Variants in KCNJ6 observed in about 807,000 individuals in gnomAD.
KCNJ6 encodes the protein potassium inwardly rectifying channel subfamily J member 6, also known as G protein-activated inward rectifier potassium channel 2.
In KCNJ6, 9 loss-of-function variants were observed where a neutral mutation model predicts 34.2. The observed-to-expected ratio is 0.26, with a 90% CI of 0.16 to 0.46. KCNJ6 has a LOEUF of 0.46. Ranked by LOEUF, KCNJ6 falls within the 20% of genes least tolerant of loss-of-function variation. The pLI is 1.00. For synonymous variants in KCNJ6, 196 were observed against 207.1 expected, an observed-to-expected ratio of 0.95 and a Z score of 0.46; for missense variants, 236 against 531.3, an observed-to-expected ratio of 0.44 and a Z score of 5.46.
At chr21:37,810,645 G>A (rs1373290432) in intron 2 of KCNJ6, among the ~76,000 whole-genome samples, 3 of 152,124 alleles carry the variant, frequency 2.0e-5, no homozygotes, top group South Asian at 2.1e-4. Flanking sequence ...TGATATTGAC[G>A]TTATTTTCAT....
At position 37,701,953 on chromosome 21, in the gene KCNJ6, C is replaced by T. The variant is rs184488264; in HGVS notation, c.946+12258G>A. 9.7e-4 allele frequency among the ~76,000 whole-genome samples: 148 copies of T among 152,252 alleles called. 3 individuals carry two copies. The highest frequency in any genetic ancestry group is 9.3e-3 in the Admixed American group (143 of 15,306). ...TATGTCTTACTAAGAGTGCTCTGGG[C>T]CGGGCACGGTGGCTCATGCCTGTGA... On this transcript the variant is annotated intron_variant, in intron 3 of 3. Transcript: ENST00000609713.
At chr21:37,910,437 A>G (rs966970127) in intron 1 of KCNJ6, among the ~76,000 whole-genome samples, 1 of 152,250 alleles carries the variant, frequency 6.6e-6, no homozygotes, top group African/African-American at 2.4e-5. Context: ...GTAAGTTTAA[A>G]GAGGAAACTG....
At chr21:37,643,243 G>A (rs2123379170) in intron 3 of KCNJ6, among the ~76,000 whole-genome samples, 1 of 152,316 alleles carries the variant, frequency 6.6e-6, no homozygotes, top group South Asian at 2.1e-4. Flanking sequence ...CATTGTTTCT[G>A]TAGCAGTCAA....
At chr21:37,629,284 TAAA>T (rs2054323860) in intron 3 of KCNJ6, among the ~76,000 whole-genome samples, 1 of 152,160 alleles carries the variant, frequency 6.6e-6, no homozygotes, top group African/African-American at 2.4e-5. Flanking sequence ...ATTTAATCAA[TAAA>T]ACAAAGTGAT....
intron 2 of KCNJ6, among the ~76,000 whole-genome samples, chr21:37,766,893 G>T (rs966406814): frequency 2.6e-5 from 4 of 152,160 alleles, no homozygotes; most frequent in Non-Finnish European, 5.9e-5. Context: ...ACCTGCGAGA[G>T]ATCTAGGTTT....
intron 1 of KCNJ6, among the ~76,000 whole-genome samples, chr21:37,864,084 G>C (rs1250082541): frequency 6.6e-6 from 1 of 151,218 alleles, no homozygotes; most frequent in Non-Finnish European, 1.5e-5. Flanking sequence ...AGAGACACAG[G>C]AAAGGAATAT....
chr21:37,793,545 C>CA (rs954872713), intron 2 of KCNJ6, among the ~76,000 whole-genome samples: 3,009 of 19,538 alleles, frequency 0.15, 294 homozygotes, highest in African/African-American at 0.22. Context: ...GACTCCATCT[C>CA]AAAAAAAAAA....
At chr21:37,634,524 T>C (rs1484174328) in intron 3 of KCNJ6, among the ~76,000 whole-genome samples, 2 of 152,198 alleles carry the variant, frequency 1.3e-5, no homozygotes, top group African/African-American at 4.8e-5. Context: ...CAGTATCATT[T>C]TTAACAAATT....
At chr21:37,635,980 G>A (rs2054356136) in intron 3 of KCNJ6, among the ~76,000 whole-genome samples, 1 of 152,200 alleles carries the variant, frequency 6.6e-6, no homozygotes, top group South Asian at 2.1e-4. Flanking sequence ...CTTGTTCAGT[G>A]TTTTCAGAAC....
At chr21:37,860,929 G>T (rs1035099099) in intron 1 of KCNJ6, among the ~76,000 whole-genome samples, 4 of 69,844 alleles carry the variant, frequency 5.7e-5, no homozygotes, top group Non-Finnish European at 1.1e-4. Flanking sequence ...TTAAATCTCA[G>T]CTCCACTACT....
intron 2 of KCNJ6, among the ~76,000 whole-genome samples, chr21:37,809,388 G>T (rs188587432): frequency 3.3e-5 from 5 of 151,780 alleles, no homozygotes; most frequent in South Asian, 2.1e-4. Context: ...GGTGGGGAGA[G>T]GGGGGAGGGA....
chr21:37,673,384 C>T (rs1186277032), intron 3 of KCNJ6, among the ~76,000 whole-genome samples: 4 of 152,246 alleles, frequency 2.6e-5, no homozygotes, highest in African/African-American at 9.6e-5. Flanking sequence ...GTCCCCTCCC[C>T]CTCTTCCAGT....
chr21:37,708,196 C>G (rs1241781890), intron 3 of KCNJ6, among the ~76,000 whole-genome samples: 1 of 152,132 alleles, frequency 6.6e-6, no homozygotes, highest in Non-Finnish European at 1.5e-5. Flanking sequence ...TCCTTGTCTT[C>G]TAAAGTATGG....
At chr21:37,766,426 G>C (rs1601462063) in intron 2 of KCNJ6, among the ~76,000 whole-genome samples, 1 of 152,250 alleles carries the variant, frequency 6.6e-6, no homozygotes. Context: ...ACTGCCTAGA[G>C]TTTTGGCAGG....
rs543101873 is a variant in KCNJ6, at chr21:37,744,056, G to T, written c.26-28925C>A. Among the ~76,000 whole-genome samples the T allele has an allele frequency of 6.0e-5, 9 of 149,122 alleles. No individual in the cohort carries two copies. The South Asian group carries it at 1.9e-3, about 32-fold the overall frequency. On this transcript the variant is annotated intron_variant, in intron 2 of 3. Transcript: ENST00000609713. ...CTCTATCAATAATGGATAGTATATC[G>T]CAAGGACAAAAAACCAAACACCGCA...
intron 1 of KCNJ6, among the ~76,000 whole-genome samples, chr21:37,871,400 C>G (rs1203708118): frequency 1.3e-5 from 2 of 152,130 alleles, no homozygotes; most frequent in African/African-American, 4.8e-5. Context: ...GGAATTGAAG[C>G]AAGAAATGCA....
In KCNJ6 at chr21:37,877,834, C is replaced by T. The variant is rs149709192; in HGVS notation, c.-27-37125G>A. 6.3e-3 allele frequency among the ~76,000 whole-genome samples: 964 copies of T among 152,318 alleles called. 10 individuals are homozygous for T. The highest frequency in any genetic ancestry group is 0.022 in the African/African-American group (916 of 41,576). On this transcript the variant is annotated intron_variant, in intron 1 of 3. Transcript: ENST00000609713. ...CTTAATAGAATACCAGGTTTCAGAACAAAAGTGGGTGTATATTGTCTGTCT... is the reference window on the plus strand; with the variant it reads ...CTTAATAGAATACCAGGTTTCAGAATAAAAGTGGGTGTATATTGTCTGTCT...
At chr21:37,889,974 C>T (rs373385952) in intron 1 of KCNJ6, among the ~76,000 whole-genome samples, 5 of 152,348 alleles carry the variant, frequency 3.3e-5, no homozygotes, top group African/African-American at 1.2e-4. Context: ...ACTCAGTGAG[C>T]TAGCCTGCAC....
At chr21:37,828,737 C>T (rs569896302) in intron 2 of KCNJ6, among the ~76,000 whole-genome samples, 1 of 152,298 alleles carries the variant, frequency 6.6e-6, no homozygotes, top group South Asian at 2.1e-4. Flanking sequence ...TCCCTCTGAC[C>T]ATCTGCTCAC....
Sources: allele counts gnomAD v4.1 joint callset (sites outside exome capture counted in the v4.1 genomes callset), GRCh38; gene constraint gnomAD v4.1.1; transcripts MANE v1.5; gene names NCBI Gene and HGNC (gene_info 2026-07-23, HGNC 2026-07-21).